The following ZNF469 variants were observed in gnomAD, a reference collection of about 807,000 sequenced individuals.
ZNF469 encodes the protein zinc finger protein 469.
A neutral mutation model predicts 1.0 loss-of-function variants in ZNF469; 1 was observed. That is an observed-to-expected ratio of 1.00 (90% CI 0.35 to 4.73). ZNF469 has a LOEUF of 4.73. Ranked by LOEUF, ZNF469 falls within the 30% of genes most tolerant of loss-of-function variation. The probability of loss-of-function intolerance (pLI) is 0.16; values close to 1 mark genes in which losing one functional copy is unlikely to be tolerated. For missense variants in ZNF469, 6,100 were observed against 5,356.3 expected (o/e 1.14, Z -4.33); for synonymous variants, 2,703 against 2,363.4 (o/e 1.14, Z -4.17).
the ZNF469 span, among the ~76,000 whole-genome samples, chr16:88,297,073 T>G: frequency 6.6e-6 from 1 of 152,144 alleles, no homozygotes; most frequent in Admixed American, 6.5e-5. Context: ...GGAGCAGACA[T>G]CCAGTAAGCA....
the ZNF469 span, among the ~76,000 whole-genome samples, chr16:88,234,234 G>A: frequency 3.3e-5 from 5 of 152,206 alleles, no homozygotes; most frequent in Admixed American, 6.5e-5. Flanking sequence ...CCCATGGAAA[G>A]CTTAGCATGC....
At chr16:88,361,510 C>G in the ZNF469 span, among the ~76,000 whole-genome samples, 3 of 152,088 alleles carry the variant, frequency 2.0e-5, no homozygotes, top group African/African-American at 7.3e-5. Flanking sequence ...TGCTTATTGC[C>G]CATTTGGATA....
At chr16:88,149,357 A>G in the ZNF469 span, among the ~76,000 whole-genome samples, 45,710 of 150,890 alleles carry the variant, frequency 0.3, 7,662 homozygotes, top group East Asian at 0.57. Flanking sequence ...TCATTTTCAC[A>G]GAAAAGACCA....
chr16:88,139,048 A>T, the ZNF469 span, among the ~76,000 whole-genome samples: 2 of 152,382 alleles, frequency 1.3e-5, no homozygotes, highest in Admixed American at 1.3e-4. Context: ...CAACATTTTA[A>T]GTCCATAGAC....
At chr16:88,382,378 G>A (rs1436617025), upstream of ZNF469, among the ~76,000 whole-genome samples, 1 of 152,232 alleles carries the variant, frequency 6.6e-6, no homozygotes, top group East Asian at 1.9e-4. Context: ...GGCTCCTAGC[G>A]CCCCACCAGC....
chr16:88,140,480 G>A, the ZNF469 span, among the ~76,000 whole-genome samples: 1 of 152,306 alleles, frequency 6.6e-6, no homozygotes. Flanking sequence ...CGGAAAGTCA[G>A]TGACAACACT....
At chr16:88,381,368 TCACACACAGAGACATGCATTCA>T (rs541322471), upstream of ZNF469, among the ~76,000 whole-genome samples, 675 of 129,734 alleles carry the variant, frequency 5.2e-3, 4 homozygotes, top group African/African-American at 0.02. Flanking sequence ...ACACATGCAC[TCACACACAGAGACATGCATTCA>T]CACACACGCA....
chr16:88,396,634 C>CCTGAAGGGAGGCCGGGTGGAGACCCGT lies in ZNF469; in HGVS notation c.-192+13396_-192+13397insTGGAGACCCGTCTGAAGGGAGGCCGGG, dbSNP rs1567500069. On this transcript the variant is annotated intron_variant, in intron 1 of 2. Transcript: ENST00000565624. ...TGAAGGGAGGCCGGGAGGAGACCCTCCTGAAGGGAGGCCGGGCGGAGACCC... is the reference window on the plus strand; with the variant it reads ...TGAAGGGAGGCCGGGAGGAGACCCTCCTGAAGGGAGGCCGGGTGGAGACCCGTCTGAAGGGAGGCCGGGCGGAGACCC... Among the ~76,000 whole-genome samples, 13 of 135,202 alleles carry CCTGAAGGGAGGCCGGGTGGAGACCCGT rather than the reference C, an allele frequency of 9.6e-5. 1 individual carries two copies. Among genetic ancestry groups the CCTGAAGGGAGGCCGGGTGGAGACCCGT allele is most frequent in the African/African-American group, 2.5e-4 (9 of 36,436 alleles). 88.7% of individuals were successfully genotyped at this position (135,202 alleles called of 152,430 possible).
At chr16:88,305,642 G>A in the ZNF469 span, among the ~76,000 whole-genome samples, 2 of 150,440 alleles carry the variant, frequency 1.3e-5, no homozygotes, top group South Asian at 2.1e-4. Context: ...ATTCTCACAG[G>A]CACACACGCA....
chr16:88,412,572 G>A (rs765845758), intron 1 of ZNF469, among the ~76,000 whole-genome samples: 38 of 152,216 alleles, frequency 2.5e-4, no homozygotes, highest in Non-Finnish European at 5.1e-4. Flanking sequence ...AGGGACCTTT[G>A]TTCTGTCCTA....
At chr16:88,172,950 A>G in the ZNF469 span, among the ~76,000 whole-genome samples, 3 of 152,242 alleles carry the variant, frequency 2.0e-5, no homozygotes, top group Non-Finnish European at 2.9e-5. Flanking sequence ...AACAAAAACA[A>G]AAACAGGACA....
the ZNF469 span, among the ~76,000 whole-genome samples, chr16:88,145,280 C>G: frequency 6.6e-6 from 1 of 152,218 alleles, no homozygotes. Context: ...TATTTTGGAG[C>G]ATTTCAAACA....
At chr16:88,257,043 G>T in the ZNF469 span, among the ~76,000 whole-genome samples, 8 of 149,678 alleles carry the variant, frequency 5.3e-5, no homozygotes, top group Non-Finnish European at 1.0e-4. Context: ...CCGCCTCCTA[G>T]GTTCAAGTGA....
intron 1 of ZNF469, among the ~76,000 whole-genome samples, chr16:88,414,436 G>T (rs554165491): frequency 3.2e-4 from 49 of 152,362 alleles, no homozygotes; most frequent in African/African-American, 1.1e-3. Context: ...CCTGGGGACC[G>T]CAGACTCGAG....
At chr16:88,274,501 A>G in the ZNF469 span, among the ~76,000 whole-genome samples, 1 of 152,264 alleles carries the variant, frequency 6.6e-6, no homozygotes, top group Non-Finnish European at 1.5e-5. Flanking sequence ...GACCGCACCA[A>G]TAGAAGTTTC....
At chr16:88,289,263 GGTGATGA>G in the ZNF469 span, among the ~76,000 whole-genome samples, 980 of 116,732 alleles carry the variant, frequency 8.4e-3, 6 homozygotes, top group Admixed American at 0.013. Flanking sequence ...CAACAGTGAT[GGTGATGA>G]TGGTGAGGGT....
chr16:88,107,998 A>T, the ZNF469 span, among the ~76,000 whole-genome samples: 2 of 152,244 alleles, frequency 1.3e-5, no homozygotes, highest in African/African-American at 4.8e-5. Context: ...CAACTCCTCC[A>T]TGCGATCTGT....
chr16:88,153,605 C>A, the ZNF469 span, among the ~76,000 whole-genome samples: 1 of 152,228 alleles, frequency 6.6e-6, no homozygotes, highest in African/African-American at 2.4e-5. Context: ...AGCAGGGTCG[C>A]TGACTGTGGA....
intron 1 of ZNF469, among the ~76,000 whole-genome samples, chr16:88,414,581 G>T (rs1189024820): frequency 6.6e-6 from 1 of 152,240 alleles, no homozygotes; most frequent in East Asian, 1.9e-4. Flanking sequence ...CTGGGAGCGG[G>T]CCCCACGGCA....
Sources: allele counts gnomAD v4.1 joint callset (sites outside exome capture counted in the v4.1 genomes callset), GRCh38; gene constraint gnomAD v4.1.1; transcripts MANE v1.5; gene names NCBI Gene and HGNC (gene_info 2026-07-23, HGNC 2026-07-21).